The following CDK14 variants were observed in gnomAD, a reference collection of about 807,000 sequenced individuals.
The protein encoded by CDK14 is cyclin dependent kinase 14, also known as cyclin-dependent kinase 14.
CDK14 carries 34 observed loss-of-function variants against 60.7 expected under a neutral mutation model. The observed-to-expected ratio is 0.56, with a 90% CI of 0.43 to 0.75. The LOEUF (loss-of-function observed/expected upper bound fraction) is 0.75. Among genes scored for constraint, CDK14 ranks in the 30% least tolerant of loss-of-function variants. The pLI is 0.00. For synonymous variants in CDK14, 197 were observed against 203.7 expected, an observed-to-expected ratio of 0.97 and a Z score of 0.28; for missense variants, 482 against 564.1, an observed-to-expected ratio of 0.85 and a Z score of 1.47.
At chr7:90,972,885 T>G (rs979226548) in intron 9 of CDK14, among the ~76,000 whole-genome samples, 1 of 152,170 alleles carries the variant, frequency 6.6e-6, no homozygotes, top group Non-Finnish European at 1.5e-5. Context: ...CTTGGAAGCT[T>G]GTTAGAAATG....
intron 6 of CDK14, among the ~76,000 whole-genome samples, chr7:90,881,860 T>A (rs982167256): frequency 2.2e-4 from 34 of 151,926 alleles, no homozygotes; most frequent in African/African-American, 7.7e-4. Flanking sequence ...AAAGAAGAAA[T>A]AAAATCCTTT....
chr7:91,127,395 G>A (rs1321827025), intron 14 of CDK14, among the ~76,000 whole-genome samples: 4 of 152,100 alleles, frequency 2.6e-5, no homozygotes, highest in African/African-American at 9.7e-5. Context: ...GGATAGAGAT[G>A]GGCAACTTCA....
intron 11 of CDK14, among the ~76,000 whole-genome samples, chr7:91,059,178 T>C (rs1025985849): frequency 2.0e-5 from 3 of 152,264 alleles, no homozygotes; most frequent in African/African-American, 7.2e-5. Context: ...CTAGATTTTC[T>C]AATTTATTTA....
Position 90,643,691 on chromosome 7 carries a change from G to GTT in CDK14, c.123+39442_123+39443insTT, listed in dbSNP as rs1584764036. Among the ~76,000 whole-genome samples the GTT allele has an allele frequency of 3.3e-5, 5 of 152,290 alleles. No individual in the cohort carries two copies. The East Asian group carries it at 9.7e-4, about 29-fold the overall frequency. On this transcript the variant is annotated intron_variant, in intron 2 of 14. Coordinates refer to ENST00000380050, the MANE Select transcript of CDK14 (RefSeq NM_001287135.2). ...ACTTGATGGCTGAGTTAGGAAGCCA[G>GTT]ATGACAGCTTCTCTTTATTTACTGT...
chr7:90,940,747 C>T (rs539984603), intron 8 of CDK14, among the ~76,000 whole-genome samples: 7 of 152,006 alleles, frequency 4.6e-5, no homozygotes, highest in African/African-American at 1.7e-4. Flanking sequence ...GATTGTGCCA[C>T]TGCCCTCCAG....
chr7:91,182,359 T>G (rs1163373373), intron 14 of CDK14, among the ~76,000 whole-genome samples: 3 of 152,086 alleles, frequency 2.0e-5, no homozygotes, highest in African/African-American at 7.2e-5. Flanking sequence ...TACCACCAAT[T>G]AGATAGATAG....
intron 3 of CDK14, among the ~76,000 whole-genome samples, chr7:90,730,461 C>T (rs189285518): frequency 4.6e-5 from 7 of 152,278 alleles, no homozygotes; most frequent in African/African-American, 9.6e-5. Context: ...AACTAATTTA[C>T]ACTCCCACCA....
At chr7:90,690,186 T>C (rs1584795691) in intron 2 of CDK14, among the ~76,000 whole-genome samples, 1 of 152,308 alleles carries the variant, frequency 6.6e-6, no homozygotes, top group East Asian at 1.9e-4. Context: ...CTGTAAACCC[T>C]ATAAAGCAGA....
intron 10 of CDK14, among the ~76,000 whole-genome samples, chr7:91,028,024 T>C (rs1038853419): frequency 7.6e-5 from 11 of 144,546 alleles, no homozygotes; most frequent in African/African-American, 2.9e-4. Context: ...ATAGGTGATT[T>C]TTTTTTATCC....
At chr7:90,909,605 T>C (rs1792825276) in intron 7 of CDK14, among the ~76,000 whole-genome samples, 1 of 152,112 alleles carries the variant, frequency 6.6e-6, no homozygotes. Context: ...TTAAACTGCC[T>C]GCTCATTGTG....
At chr7:91,042,992 G>T (rs1200425040) in intron 10 of CDK14, among the ~76,000 whole-genome samples, 3 of 152,058 alleles carry the variant, frequency 2.0e-5, no homozygotes, top group Non-Finnish European at 4.4e-5. Context: ...CTTTTCCTTT[G>T]CCCACTTTCT....
chr7:90,926,386 A>G (rs1229946628), intron 8 of CDK14, among the ~76,000 whole-genome samples: 2 of 152,202 alleles, frequency 1.3e-5, no homozygotes, highest in African/African-American at 4.8e-5. Flanking sequence ...TGTTGGAATA[A>G]AAGTTTAAAT....
intron 5 of CDK14, among the ~76,000 whole-genome samples, chr7:90,813,852 G>A (rs1181174732): frequency 6.6e-6 from 1 of 152,160 alleles, no homozygotes. Context: ...GCAGAACTCT[G>A]TGTAGTTACT....
intron 2 of CDK14, among the ~76,000 whole-genome samples, chr7:90,682,486 T>C (rs945990424): frequency 6.6e-6 from 1 of 152,204 alleles, no homozygotes; most frequent in African/African-American, 2.4e-5. Context: ...TGAAAGTAAG[T>C]TGCATATAAG....
intron 2 of CDK14, among the ~76,000 whole-genome samples, chr7:90,605,735 T>G (rs897470867): frequency 1.3e-5 from 2 of 152,240 alleles, no homozygotes; most frequent in Non-Finnish European, 2.9e-5. Context: ...TGTTCTTGCT[T>G]CTTTCTCCGT....
chr7:90,877,462 T>A, intron 6 of CDK14, among the ~76,000 whole-genome samples: 1 of 151,886 alleles, frequency 6.6e-6, no homozygotes, highest in East Asian at 1.9e-4. Flanking sequence ...TGAGTAAGAA[T>A]TTTCCATCTT....
chr7:90,726,878 G>C lies in CDK14; in HGVS notation c.369+66G>C, dbSNP rs79175132. On this transcript the variant is annotated intron_variant, in intron 3 of 14. Transcript: ENST00000380050. ...GAATAGCCTTCTTATGATAGCATGC[G>C]GTGCTGGAAGACAGCAGGAAACTTT... 7.7e-6 allele frequency: 12 copies of C among 1,555,134 alleles called. No individual in the cohort carries two copies. In the Admixed American group the frequency reaches 2.2e-4, roughly 29 times the overall value.
intron 5 of CDK14, among the ~76,000 whole-genome samples, chr7:90,829,780 G>T (rs149809671): frequency 6.6e-6 from 1 of 152,136 alleles, no homozygotes; most frequent in Non-Finnish European, 1.5e-5. Context: ...TGATACACCC[G>T]CCTCGGCCTC....
chr7:91,205,250 G>A (rs1200221215), intron 14 of CDK14, among the ~76,000 whole-genome samples: 5 of 152,114 alleles, frequency 3.3e-5, no homozygotes, highest in Non-Finnish European at 5.9e-5. Context: ...ATTCAGAGCA[G>A]CACTATTCAC....
Sources: gnomAD v4.1 joint callset for allele counts (sites outside exome capture counted in the v4.1 genomes callset) on GRCh38, gnomAD v4.1.1 for gene constraint, MANE v1.5 for transcripts, NCBI Gene and HGNC (gene_info 2026-07-23, HGNC 2026-07-21) for gene names.